The following KDM4A variants were observed in gnomAD, a reference collection of about 807,000 sequenced individuals.
KDM4A encodes the protein lysine-specific demethylase 4A.
In KDM4A, 23 loss-of-function variants were observed where a neutral mutation model predicts 127.1. The ratio of observed to expected loss-of-function variants is 0.18; its 90% confidence interval spans 0.13 to 0.26. The LOEUF is 0.26. Among genes scored for constraint, KDM4A ranks in the 10% least tolerant of loss-of-function variants. KDM4A has a pLI of 1.00. For synonymous variants in KDM4A, 443 were observed against 466.5 expected, an observed-to-expected ratio of 0.95 and a Z score of 0.65; for missense variants, 890 against 1,329.1, an observed-to-expected ratio of 0.67 and a Z score of 5.14.
intron 4 of KDM4A, among the ~76,000 whole-genome samples, chr1:43,661,608 CAAAAAAAA>C (rs34131801): frequency 3.2e-4 from 13 of 40,866 alleles, no homozygotes; most frequent in East Asian, 1.9e-3. Flanking sequence ...GACTCTGTCT[CAAAAAAAA>C]AAAAAAAAAA....
chr1:43,703,581 C>T lies in KDM4A; in HGVS notation c.2842-36C>T, dbSNP rs371670230. On this transcript the variant is annotated intron_variant, in intron 19 of 21. Transcript: ENST00000372396. ...ACAGTTACCTTTGTGTGCAGGTGGA[C>T]GTTCCTTTCACCCTCCTTCCTTCCT... The T allele has an allele frequency of 1.7e-4, 277 of 1,611,172 alleles. 1 individual carries two copies. Among genetic ancestry groups the T allele is most frequent in the Non-Finnish European group, 2.1e-4 (251 of 1,178,694 alleles).
chr1:43,678,710 C>A (rs1294495580), intron 11 of KDM4A, among the ~76,000 whole-genome samples: 1 of 151,814 alleles, frequency 6.6e-6, no homozygotes, highest in African/African-American at 2.4e-5. Flanking sequence ...ACCTCAGCCT[C>A]TCAAGTAGTT....
Position 43,661,617 on chromosome 1 carries a change from A to AG in KDM4A, c.429+1205_429+1206insG, listed in dbSNP as rs1416219306. 4.4e-3 allele frequency among the ~76,000 whole-genome samples: 630 copies of AG among 142,730 alleles called. 21 individuals are homozygous for AG. Among genetic ancestry groups the AG allele is most frequent in the South Asian group, 0.018 (78 of 4,398 alleles). 93.6% of individuals were successfully genotyped at this position (142,730 alleles called of 152,430 possible). The stretch of plus-strand genomic sequence containing the variant: ...GAGCAAGACTCTGTCTCAAAAAAAA[A>AG]AAAAAAAAAAAAAAAAAAAAAAAGA... On this transcript the variant is annotated intron_variant, in intron 4 of 21. Transcript: ENST00000372396.
intron 11 of KDM4A, among the ~76,000 whole-genome samples, chr1:43,676,106 A>AG (rs35564862): frequency 2.7e-5 from 4 of 149,830 alleles, no homozygotes; most frequent in Non-Finnish European, 5.9e-5. Context: ...AAAAAAAAAA[A>AG]GCAAGAAAGA....
chr1:43,686,526 G>T (rs934619047), intron 12 of KDM4A, among the ~76,000 whole-genome samples: 1 of 151,238 alleles, frequency 6.6e-6, no homozygotes, highest in African/African-American at 2.4e-5. Flanking sequence ...TAGTAGAGAC[G>T]GGGTTTCACC....
At chr1:43,656,427 T>G (rs979367812) in intron 3 of KDM4A, among the ~76,000 whole-genome samples, 3 of 142,812 alleles carry the variant, frequency 2.1e-5, no homozygotes, top group African/African-American at 7.7e-5. Flanking sequence ...AACCTCTGTC[T>G]CCCAGGTTCA....
At chr1:43,685,867 A>G (rs1660962619) in intron 12 of KDM4A, among the ~76,000 whole-genome samples, 1 of 152,118 alleles carries the variant, frequency 6.6e-6, no homozygotes, top group Non-Finnish European at 1.5e-5. Context: ...GGTCCTAGGA[A>G]GTTCTCTGTG....
At chr1:43,675,416 A>G (rs1180355702) in intron 11 of KDM4A, among the ~76,000 whole-genome samples, 2 of 152,194 alleles carry the variant, frequency 1.3e-5, no homozygotes, top group Non-Finnish European at 1.5e-5. Flanking sequence ...TGCAGTGTAG[A>G]GTTCTGGACT....
At chr1:43,661,599 ACT>A (rs1195700298) in intron 4 of KDM4A, among the ~76,000 whole-genome samples, 2 of 114,392 alleles carry the variant, frequency 1.7e-5, no homozygotes, top group African/African-American at 7.4e-5. Flanking sequence ...ACAGAGCAAG[ACT>A]CTGTCTCAAA....
chr1:43,653,456 A>C, intron 2 of KDM4A, 143 bp downstream of exon 2: 1 of 710,280 alleles, frequency 1.4e-6, no homozygotes. Context: ...TTTGCAAGTT[A>C]ATTCCCGTTG....
chr1:43,668,974 T>C, intron 9 of KDM4A, 126 bp from the exon 10 acceptor site: 2 of 878,420 alleles, frequency 2.3e-6, no homozygotes, highest in South Asian at 1.6e-5. Flanking sequence ...GAGGTGTCCC[T>C]GAGTTTTGAG....
chr1:43,692,309 C>T lies in KDM4A; in HGVS notation c.2373C>T (p.Asp791=), dbSNP rs762841341. 6.2e-7 allele frequency: 1 copy of T among 1,613,748 alleles called. No homozygotes were observed. The highest frequency in any genetic ancestry group is 1.3e-5 in the African/African-American group (1 of 74,916). Residue 791 remains aspartate (D), a splice_region_variant and synonymous_variant, in exon 16 of 22, where the codon GAC becomes GAT. Transcript: ENST00000372396. ...RGGALQRAND[D]RWVHVSCAVA... ...GGGCCCTGCAGAGAGCAAATGATGA[C>T]AGGTAAGTTTCCTGAGCAGTGCCTT...
chr1:43,673,874 T>G (rs569759778), intron 11 of KDM4A, among the ~76,000 whole-genome samples: 109 of 152,384 alleles, frequency 7.2e-4, no homozygotes, highest in African/African-American at 2.5e-3. Flanking sequence ...CTGACATTCT[T>G]GTTTCTAGTT....
rs1326411723 is a variant in KDM4A, at chr1:43,697,943, C to T, written c.2771C>T (p.Thr924Ile). Residue 924 changes from threonine to isoleucine, a missense_variant, in exon 19 of 22, where the codon ACC (threonine) becomes ATC (isoleucine). This residue lies in a region of KDM4A where 246 missense variants were observed against 418.4 expected (regional missense o/e 0.59). Transcript: ENST00000372396. ...CAGTGTGAAGTGGTCAGGCTCACCA[C>T]CGAGACCTTCTATGAAGTCAACTTT... ...FYQCEVVRLT[T>I]ETFYEVNFDD... is the part of the protein sequence containing the mutation. 3.1e-6 allele frequency: 5 copies of T among 1,613,910 alleles called. No individual in the cohort carries two copies. The African/African-American group carries it at 5.3e-5, about 17-fold the overall frequency.
intron 15 of KDM4A, 93 bp from the exon 16 acceptor site, chr1:43,692,162 TG>T: frequency 9.3e-7 from 1 of 1,069,768 alleles, no homozygotes; most frequent in Non-Finnish European, 1.5e-6. Flanking sequence ...CTTTCTTATG[TG>T]GAGGAGTTGC....
At chr1:43,675,894 G>A (rs1183159003) in intron 11 of KDM4A, among the ~76,000 whole-genome samples, 3 of 151,538 alleles carry the variant, frequency 2.0e-5, no homozygotes, top group Admixed American at 6.6e-5. Flanking sequence ...CCAACATGGC[G>A]AAACCCCATC....
At chr1:43,681,659 T>C (rs1233170440) in intron 11 of KDM4A, among the ~76,000 whole-genome samples, 1 of 152,156 alleles carries the variant, frequency 6.6e-6, no homozygotes, top group Admixed American at 6.5e-5. Context: ...TTCCCTAGTC[T>C]GCCACAGCCC....
intron 11 of KDM4A, among the ~76,000 whole-genome samples, chr1:43,680,762 CCTT>C (rs1288216371): frequency 6.6e-6 from 1 of 152,246 alleles, no homozygotes; most frequent in Non-Finnish European, 1.5e-5. Flanking sequence ...TCTTCTGCTT[CCTT>C]CTTCTGTTGT....
intron 12 of KDM4A, among the ~76,000 whole-genome samples, chr1:43,684,868 A>G (rs1660936359): frequency 6.6e-6 from 1 of 152,180 alleles, no homozygotes; most frequent in South Asian, 2.1e-4. Flanking sequence ...TGAAGGTCTG[A>G]AGTAGGATGG....
Sources: allele counts gnomAD v4.1 joint callset (sites outside exome capture counted in the v4.1 genomes callset), GRCh38; gene constraint gnomAD v4.1.1; regional missense constraint gnomAD v4.1.1; transcripts MANE v1.5; gene names NCBI Gene and HGNC (gene_info 2026-07-23, HGNC 2026-07-21).